The following ERICH5 variants were observed in gnomAD, a reference collection of about 807,000 sequenced individuals.
ERICH5 encodes glutamate rich 5.
A neutral mutation model predicts 28.0 loss-of-function variants in ERICH5; 24 were observed. That is an observed-to-expected ratio of 0.86 (90% CI 0.62 to 1.21). The LOEUF is 1.21. Ranked by LOEUF, ERICH5 falls within the 50% of genes most tolerant of loss-of-function variation. ERICH5 has a pLI of 0.00. For missense variants in ERICH5, 421 were observed against 441.2 expected, an observed-to-expected ratio of 0.95 and a Z score of 0.41; for synonymous variants, 163 against 157.6, an observed-to-expected ratio of 1.03 and a Z score of -0.25.
At position 98,089,569 on chromosome 8, in the gene ERICH5, G is replaced by A; in HGVS notation, c.552G>A (p.Glu184=). 6.2e-7 allele frequency: 1 copy of A among 1,614,184 alleles called. No homozygotes were observed. Among genetic ancestry groups the A allele is most frequent in the Non-Finnish European group, 8.5e-7 (1 of 1,180,042 alleles). ...EVTENPQTAA[E]MKPLGTTENV... The stretch of plus-strand genomic sequence containing the variant: ...CTGAGAATCCACAAACTGCTGCAGA[G>A]ATGAAGCCTCTAGGAACAACTGAGA... The change falls in exon 2 of 3, where the codon GAG becomes GAA. Residue 184 remains glutamate (E), a synonymous_variant. Transcript: ENST00000318528.
At chr8:98,067,068 C>T (rs1453117470) in intron 1 of ERICH5, among the ~76,000 whole-genome samples, 2 of 152,130 alleles carry the variant, frequency 1.3e-5, no homozygotes, top group African/African-American at 4.8e-5. Context: ...TTATGGTTGT[C>T]CTGTTTTTAC....
chr8:98,093,477 G>A lies in ERICH5; in HGVS notation c.*144G>A. On this transcript the variant is annotated 3_prime_UTR_variant, in exon 3 of 3. Coordinates refer to ENST00000318528, the MANE Select transcript of ERICH5 (RefSeq NM_173549.3). ...AGAGAGACTGTTGGAACCATGAGAA[G>A]GATGTTTCTGTGTTCTTGATTATAT... 3.8e-6 allele frequency: 2 copies of A among 521,110 alleles called. No individual in the cohort carries two copies. The highest frequency in any genetic ancestry group is 3.5e-5 in the South Asian group (1 of 28,444). The allele number at this position is 521,110 out of a possible 1,614,324, so 32.3% of individuals were successfully genotyped here.
intron 1 of ERICH5, among the ~76,000 whole-genome samples, chr8:98,068,412 A>G (rs1398784522): frequency 6.6e-6 from 1 of 152,234 alleles, no homozygotes; most frequent in Non-Finnish European, 1.5e-5. Context: ...AATATGTGGT[A>G]GTCACACATC....
At chr8:98,076,527 AT>A (rs1815058887) in intron 1 of ERICH5, among the ~76,000 whole-genome samples, 1 of 152,038 alleles carries the variant, frequency 6.6e-6, no homozygotes, top group Admixed American at 6.6e-5. Context: ...CAGGCCTTTG[AT>A]TCATGGCTAA....
At chr8:98,085,780 T>C (rs893651467) in intron 1 of ERICH5, among the ~76,000 whole-genome samples, 7 of 152,224 alleles carry the variant, frequency 4.6e-5, no homozygotes, top group African/African-American at 1.7e-4. Context: ...CACTATCCTT[T>C]CCTGAGTCCT....
At chr8:98,070,539 G>A (rs796310880) in intron 1 of ERICH5, among the ~76,000 whole-genome samples, 28 of 149,812 alleles carry the variant, frequency 1.9e-4, no homozygotes, top group African/African-American at 5.4e-4. Context: ...ATTTTTTACT[G>A]GTATGCTGAT....
chr8:98,091,872 C>CTTTCTT (rs1554621716), intron 2 of ERICH5, among the ~76,000 whole-genome samples: 1 of 88,546 alleles, frequency 1.1e-5, no homozygotes. Context: ...TTCTTTCTTT[C>CTTTCTT]TTTCTTTCTT....
intron 1 of ERICH5, among the ~76,000 whole-genome samples, chr8:98,077,770 A>G (rs1199165566): frequency 6.6e-6 from 1 of 151,968 alleles, no homozygotes; most frequent in Non-Finnish European, 1.5e-5. Flanking sequence ...AGGTCTCACT[A>G]TGTTGCCCAG....
rs760470751 is a variant in ERICH5 at position 98,085,136 on chromosome 8, C to CTTTTTTTTTTT, written c.59-3908_59-3898dup. Among the ~76,000 whole-genome samples, 31 of 57,318 alleles carry CTTTTTTTTTTT rather than the reference C, an allele frequency of 5.4e-4. 4 individuals are homozygous for CTTTTTTTTTTT. Among genetic ancestry groups the CTTTTTTTTTTT allele is most frequent in the East Asian group, 2.2e-3 (4 of 1,792 alleles). The allele number at this position is 57,318 out of a possible 152,430, so 37.6% of individuals were successfully genotyped here. On this transcript the variant is annotated intron_variant, in intron 1 of 2. Coordinates refer to ENST00000318528, the MANE Select transcript of ERICH5 (RefSeq NM_173549.3). ...TTCCCTGGTGTGAACGTTCCACAGCCTTTTTTTTTTTTTTTTTTTTTTTTT... is the reference window on the plus strand; with the variant it reads ...TTCCCTGGTGTGAACGTTCCACAGCCTTTTTTTTTTTTTTTTTTTTTTTTTTTTTTTTTTTT...
intron 1 of ERICH5, among the ~76,000 whole-genome samples, chr8:98,084,125 GT>G (rs1815231187): frequency 6.6e-6 from 1 of 150,804 alleles, no homozygotes; most frequent in Non-Finnish European, 1.5e-5. Flanking sequence ...CTGGCCTCAA[GT>G]GATCCTCCTG....
At chr8:98,092,804 C>G (rs1346356580) in intron 2 of ERICH5, among the ~76,000 whole-genome samples, 1 of 144,606 alleles carries the variant, frequency 6.9e-6, no homozygotes, top group Non-Finnish European at 1.5e-5. Flanking sequence ...GAGACAGAGT[C>G]TCGTTCTGTC....
chr8:98,078,438 A>G (rs540462063), intron 1 of ERICH5, among the ~76,000 whole-genome samples: 14 of 152,352 alleles, frequency 9.2e-5, no homozygotes, highest in Admixed American at 2.6e-4. Context: ...AATTCGCTCA[A>G]AAACCCAGCA....
At chr8:98,067,158 G>A (rs1226562984) in intron 1 of ERICH5, among the ~76,000 whole-genome samples, 3 of 152,114 alleles carry the variant, frequency 2.0e-5, no homozygotes, top group South Asian at 2.1e-4. Flanking sequence ...TGCTTTGTTG[G>A]GCACAGTGGC....
At chr8:98,076,267 T>C (rs907754515) in intron 1 of ERICH5, among the ~76,000 whole-genome samples, 1 of 151,886 alleles carries the variant, frequency 6.6e-6, no homozygotes. Context: ...TTGGCCAGGC[T>C]GGTCTCGAAC....
At chr8:98,080,245 AAAC>A (rs1315634619) in intron 1 of ERICH5, among the ~76,000 whole-genome samples, 1 of 151,846 alleles carries the variant, frequency 6.6e-6, no homozygotes, top group East Asian at 1.9e-4. Flanking sequence ...CCTGAAAGGC[AAAC>A]AATACCCACA....
intron 1 of ERICH5, among the ~76,000 whole-genome samples, chr8:98,086,899 C>T (rs13263943): frequency 0.22 from 32,416 of 147,370 alleles, 3,941 homozygotes; most frequent in East Asian, 0.36. Flanking sequence ...TGCAGTGAGC[C>T]GAGATCGCGC....
chr8:98,069,987 A>C (rs768934637), intron 1 of ERICH5, among the ~76,000 whole-genome samples: 2 of 152,180 alleles, frequency 1.3e-5, no homozygotes, highest in Non-Finnish European at 2.9e-5. Context: ...CAATAGCCTT[A>C]AAACACAAAC....
intron 1 of ERICH5, among the ~76,000 whole-genome samples, chr8:98,081,106 CT>C (rs543800906): frequency 1.1e-3 from 161 of 151,340 alleles, no homozygotes; most frequent in African/African-American, 3.7e-3. Flanking sequence ...CTCTCTCTCT[CT>C]TTTTTTCTTT....
intron 2 of ERICH5, among the ~76,000 whole-genome samples, chr8:98,092,134 A>T (rs1179095399): frequency 5.9e-5 from 9 of 151,276 alleles, no homozygotes; most frequent in African/African-American, 2.4e-5. Flanking sequence ...AGTAGCTAGG[A>T]CTACAGGAAT....
Sources: allele counts gnomAD v4.1 joint callset (sites outside exome capture counted in the v4.1 genomes callset), GRCh38; gene constraint gnomAD v4.1.1; transcripts MANE v1.5; gene names NCBI Gene and HGNC (gene_info 2026-07-23, HGNC 2026-07-21).